Variants in EIF2AK1 observed in about 807,000 individuals in gnomAD.
The protein encoded by EIF2AK1 is eukaryotic translation initiation factor 2-alpha kinase 1.
In EIF2AK1, 54 loss-of-function variants were observed where a neutral mutation model predicts 77.9. The ratio of observed to expected loss-of-function variants is 0.69; its 90% CI spans 0.56 to 0.87. The LOEUF (loss-of-function observed/expected upper bound fraction) is 0.87, where lower values mean the gene tolerates loss of function less well. EIF2AK1 is among the 40% of genes least tolerant of loss of function. EIF2AK1 has a pLI of 0.00. For missense variants in EIF2AK1, 810 were observed against 768.6 expected, an observed-to-expected ratio of 1.05 and a Z score of -0.64; for synonymous variants, 314 against 290.5, an observed-to-expected ratio of 1.08 and a Z score of -0.82.
chr7:6,052,800 T>C (rs1380398938), intron 2 of EIF2AK1, among the ~76,000 whole-genome samples: 1 of 151,932 alleles, frequency 6.6e-6, no homozygotes, highest in Non-Finnish European at 1.5e-5. Context: ...ACCCCGTCTC[T>C]ATTAAAAATA....
chr7:6,049,965 G>C lies in EIF2AK1; in HGVS notation c.358C>G (p.His120Asp). 6 of 1,613,024 alleles carry C rather than the reference G, an allele frequency of 3.7e-6. No homozygotes were observed. The highest frequency in any genetic ancestry group is 5.1e-6 in the Non-Finnish European group (6 of 1,179,472). The change falls in exon 3 of 15, where the codon CAC (histidine) becomes GAC (aspartate). Residue 120 changes from histidine (H) to aspartate (D), a missense_variant. His to Asp is a moderately conservative substitution (Grantham distance 81). Around this residue, in one of 3 missense-constraint regions of EIF2AK1, gnomAD observed 246 missense variants for 199.0 expected, o/e 1.24. Transcript: ENST00000199389. ...SDEFSSLRLHHNRAITHLMRS... is the reference protein window; with the variant it reads ...SDEFSSLRLHDNRAITHLMRS... Reference sequence around the variant, plus strand: ...ATTAAGTGAGTAATAGCTCTGTTGTGATGTAGTCTCAATGAGCTAAACTCG... The same window carrying C: ...ATTAAGTGAGTAATAGCTCTGTTGTCATGTAGTCTCAATGAGCTAAACTCG...
chr7:6,026,727 C>G lies in EIF2AK1; in HGVS notation c.1764+1G>C. ...GGACCAAGAGAAAGAAAAGCACATA[C>G]ATTTCCAGAATTTTGGAAAAGTTCA... On this transcript the variant is annotated splice_donor_variant, in intron 14 of 14. Coordinates refer to ENST00000199389, the MANE Select transcript of EIF2AK1 (RefSeq NM_014413.4). LOFTEE classifies it high-confidence loss of function. 6.2e-7 allele frequency: 1 copy of G among 1,612,406 alleles called. No homozygotes were observed. Among genetic ancestry groups the G allele is most frequent in the Non-Finnish European group, 8.5e-7 (1 of 1,178,408 alleles).
In EIF2AK1 at chr7:6,033,989, C is replaced by G. The variant is rs111944894; in HGVS notation, c.1332+3435G>C. On this transcript the variant is annotated intron_variant, in intron 11 of 14. Transcript: ENST00000199389. The surrounding 1 kb of genome is among the most constrained non-coding windows in gnomAD (Gnocchi z 4.4). ...CCAAATCAATGCCTGACACTTAGCACGTGCTCAGTAATACTATCCGAGTGA... is the reference window on the plus strand; with the variant it reads ...CCAAATCAATGCCTGACACTTAGCAGGTGCTCAGTAATACTATCCGAGTGA... Among the ~76,000 whole-genome samples the G allele has an allele frequency of 6.6e-6, 1 of 151,912 alleles. No individual in the cohort carries two copies. The highest frequency in any genetic ancestry group is 1.5e-5 in the Non-Finnish European group (1 of 68,010).
At chr7:6,048,135 C>T (rs1446504125) in intron 4 of EIF2AK1, 3 of 152,190 alleles carry the variant, frequency 2.0e-5, no homozygotes, top group Non-Finnish European at 4.4e-5. Flanking sequence ...ATGTACAATT[C>T]AGTGGTTTTT....
intron 2 of EIF2AK1, among the ~76,000 whole-genome samples, chr7:6,050,775 T>C (rs2128891404): frequency 6.6e-6 from 1 of 151,910 alleles, no homozygotes; most frequent in African/African-American, 2.4e-5. Flanking sequence ...GCTAATTTTT[T>C]TGTATATTTA....
Position 6,040,975 on chromosome 7 carries a change from T to C in EIF2AK1, c.1036A>G (p.Arg346Gly). 1.2e-6 allele frequency: 2 copies of C among 1,614,188 alleles called. No individual in the cohort carries two copies. Among genetic ancestry groups the C allele is most frequent in the Non-Finnish European group, 1.7e-6 (2 of 1,180,028 alleles). The change falls in exon 9 of 15, where the codon AGG (arginine) becomes GGG (glycine). Residue 346 changes from arginine (R) to glycine (G), a missense_variant. By Grantham distance (125) the Arg-to-Gly change is moderately radical (BLOSUM62 -2). Coordinates refer to ENST00000199389, the MANE Select transcript of EIF2AK1 (RefSeq NM_014413.4). ...SSIVEQQLPL[R>G]RNSHLEESFT... ...CTCTCCTCTAGGTGGGAATTACGCC[T>C]GAGTGGCAGCTGCTGTTCCACAATT... is the stretch of plus-strand genomic sequence containing the variant.
chr7:6,046,785 C>A, intron 5 of EIF2AK1: 2 of 438,938 alleles, frequency 4.6e-6, no homozygotes, highest in South Asian at 2.9e-5. Context: ...GCCTGTAATC[C>A]CAGCTACTCG....
chr7:6,048,304 G>A (rs56223935), intron 4 of EIF2AK1, among the ~76,000 whole-genome samples: 13,435 of 151,998 alleles, frequency 0.088, 641 homozygotes, highest in Admixed American at 0.11. Flanking sequence ...ACCTACTCTG[G>A]ATATTTCATA....
Position 6,026,886 on chromosome 7 carries a change from C to G in EIF2AK1, c.1606G>C (p.Val536Leu), listed in dbSNP as rs1199495544. The G allele has an allele frequency of 6.2e-7, 1 of 1,614,154 alleles. No individual in the cohort carries two copies. The highest frequency in any genetic ancestry group is 1.1e-5 in the South Asian group (1 of 91,086). Reference protein sequence around the residue: ...PFGTEMERAEVLTGLRTGQLP... With the variant: ...PFGTEMERAELLTGLRTGQLP... The stretch of plus-strand genomic sequence containing the variant: ...TGACCAGTTCTTAAACCTGTTAGAA[C>G]TTCTGCTCGCTCCATTTCTGTTCCA... Residue 536 changes from valine (V) to leucine (L), a missense_variant, in exon 14 of 15, where the codon GTT (valine) becomes CTT (leucine). Physicochemically the swap from Val to Leu is conservative, Grantham distance 32. Around this residue, in one of 3 missense-constraint regions of EIF2AK1, gnomAD observed 549 missense variants for 533.7 expected, o/e 1.03. Transcript: ENST00000199389.
At chr7:6,052,992 T>C (rs1314656488) in intron 2 of EIF2AK1, among the ~76,000 whole-genome samples, 1 of 152,010 alleles carries the variant, frequency 6.6e-6, no homozygotes, top group African/African-American at 2.4e-5. Flanking sequence ...AGCATTATCA[T>C]AGTATAGATG....
chr7:6,028,572 G>T (rs768572436), intron 13 of EIF2AK1, 43 bp downstream of exon 13: 1 of 1,586,572 alleles, frequency 6.3e-7, no homozygotes, highest in South Asian at 1.1e-5. Context: ...ATTTAAGACT[G>T]CAGAATAAGT....
At chr7:6,056,292 C>CAAAAAAAA in intron 1 of EIF2AK1, among the ~76,000 whole-genome samples, 1 of 55,814 alleles carries the variant, frequency 1.8e-5, no homozygotes, top group Non-Finnish European at 3.0e-5. Context: ...GACTCAGTCT[C>CAAAAAAAA]AAAAAAAAAA....
Position 6,023,091 on chromosome 7 carries a change from C to T in EIF2AK1, c.*1582G>A, listed in dbSNP as rs185213421. The T allele has an allele frequency of 1.6e-3, 900 of 569,040 alleles. No individual in the cohort carries two copies. The highest frequency in any genetic ancestry group is 2.2e-3 in the Non-Finnish European group (746 of 337,474). The allele number at this position is 569,040 out of a possible 1,614,324, so 35.2% of individuals were successfully genotyped here. ...TGTCATAATCAAATACCAGGAATGA[C>T]TCTTTGGTTACTTTTTTAACATAGT... is the stretch of plus-strand genomic sequence containing the variant. On this transcript the variant is annotated 3_prime_UTR_variant, in exon 15 of 15. Transcript: ENST00000199389.
In EIF2AK1 at chr7:6,023,027, T is replaced by C. The variant is rs1787547038; in HGVS notation, c.*1646A>G. 2.8e-6 allele frequency: 1 copy of C among 354,846 alleles called. No individual in the cohort carries two copies. Among genetic ancestry groups the C allele is most frequent in the Non-Finnish European group, 5.1e-6 (1 of 197,132 alleles). 22.0% of individuals were successfully genotyped at this position (354,846 alleles called of 1,614,324 possible). A position where few individuals can be genotyped will look rare whatever the true frequency, so the allele number is the denominator to read the frequency against. ...CCCCCAAAACCTTAGGCAGCAGGGA[T>C]TGGAGCAGGTGGTCTGAGGTCCCTT... On this transcript the variant is annotated 3_prime_UTR_variant, in exon 15 of 15. Coordinates refer to ENST00000199389, the MANE Select transcript of EIF2AK1 (RefSeq NM_014413.4).
In EIF2AK1 at chr7:6,040,919, T is replaced by C; in HGVS notation, c.1092A>G (p.Glu364=). 1 of 1,614,122 alleles carries C rather than the reference T, an allele frequency of 6.2e-7. No homozygotes were observed. Among genetic ancestry groups the C allele is most frequent in the Non-Finnish European group, 8.5e-7 (1 of 1,180,004 alleles). The part of the protein sequence containing the change: ...SFTSTEESSE[E]NVNFLGQTEA... ...CTGTCTGACCCAAAAAGTTGACATT[T>C]TCTTCGGAAGATTCTTCGGTGGATG... is the stretch of plus-strand genomic sequence containing the variant. The change falls in exon 9 of 15, where the codon GAA becomes GAG. Residue 364 remains glutamate, a synonymous_variant. Coordinates refer to ENST00000199389, the MANE Select transcript of EIF2AK1 (RefSeq NM_014413.4).
chr7:6,048,585 GT>G (rs1375618630), intron 4 of EIF2AK1, among the ~76,000 whole-genome samples: 3 of 152,194 alleles, frequency 2.0e-5, no homozygotes, highest in African/African-American at 7.2e-5. Flanking sequence ...TGAATTAACA[GT>G]GTGACCATGG....
At chr7:6,024,952 C>T (rs1471715652) in intron 14 of EIF2AK1, 151 bp from the exon 15 acceptor site, 1 of 513,416 alleles carries the variant, frequency 1.9e-6, no homozygotes, top group Non-Finnish European at 3.2e-6. Context: ...TATTCTCGTG[C>T]CTCAGCCACC....
At chr7:6,029,555 G>A (rs1400473672) in intron 11 of EIF2AK1, among the ~76,000 whole-genome samples, 2 of 151,824 alleles carry the variant, frequency 1.3e-5, no homozygotes, top group Admixed American at 1.3e-4. Flanking sequence ...AACTCCTGCG[G>A]GTGAACGCAA....
chr7:6,054,501 G>C (rs1446626469), intron 2 of EIF2AK1, 45 bp downstream of exon 2: 1 of 1,606,540 alleles, frequency 6.2e-7, no homozygotes, highest in Non-Finnish European at 8.5e-7. Context: ...ACGGAGCCCA[G>C]CCTTTACAAG....
Sources: gnomAD v4.1 joint callset for allele counts (sites outside exome capture counted in the v4.1 genomes callset) on GRCh38, gnomAD v4.1.1 for gene constraint, gnomAD v4.1.1 regional missense constraint, Gnocchi (gnomAD v3.1) non-coding constraint, MANE v1.5 for transcripts, NCBI Gene and HGNC (gene_info 2026-07-23, HGNC 2026-07-21) for gene names.